SYN1: variants seen among roughly 807,000 people sequenced by gnomAD.
The protein encoded by SYN1 is synapsin I.
SYN1 carries 8 observed loss-of-function variants against 44.6 expected under a neutral mutation model. The observed-to-expected ratio is 0.18, with a 90% CI of 0.11 to 0.32. The LOEUF is 0.32. Ranked by LOEUF, SYN1 falls within the 10% of genes least tolerant of loss-of-function variation. The pLI, the probability that SYN1 is intolerant of heterozygous loss-of-function variation, is 1.00. For missense variants in SYN1, 451 were observed against 639.4 expected (o/e 0.71, Z 3.18); for synonymous variants, 275 against 280.1 (o/e 0.98, Z 0.18).
chrX:47,611,195 C>T (rs1002069725), intron 1 of SYN1, among the ~76,000 whole-genome samples: 2 of 112,221 alleles, frequency 1.8e-5, no homozygotes, highest in Admixed American at 9.4e-5. Context: ...CGCACACCCC[C>T]ATGCCCTGAA....
At chrX:47,573,932 G>A in intron 12 of SYN1, 70 bp downstream of exon 12, 1 of 996,052 alleles carries the variant, frequency 1.0e-6, no homozygotes, top group African/African-American at 2.0e-5. Flanking sequence ...AGGGAGCTAG[G>A]GCTGCTCTAC....
intron 1 of SYN1, among the ~76,000 whole-genome samples, chrX:47,615,624 G>A (rs2057928958): frequency 8.9e-6 from 1 of 112,264 alleles, no homozygotes; most frequent in African/African-American, 3.2e-5. Context: ...AAACACCAGA[G>A]AGCCGGGCAC....
chrX:47,597,108 T>C (rs891468773), intron 5 of SYN1, among the ~76,000 whole-genome samples: 1 of 109,314 alleles, frequency 9.1e-6, no homozygotes. Flanking sequence ...CTGAGGCGGG[T>C]GGATCACCTG....
In SYN1 at chrX:47,610,953, A is replaced by G. The variant is rs143018823; in HGVS notation, c.378-3755T>C. Among the ~76,000 whole-genome samples the G allele has an allele frequency of 3.5e-3, 387 of 111,685 alleles. 2 individuals are homozygous for G. Among genetic ancestry groups the G allele is most frequent in the African/African-American group, 0.012 (376 of 30,721 alleles). On this transcript the variant is annotated intron_variant, in intron 1 of 12. Transcript: ENST00000295987. The stretch of plus-strand genomic sequence containing the variant: ...GAAACATGCTGGTGAGGGTGGTACC[A>G]GTCACGCTGAGAAGCACAGTAGTGG...
At chrX:47,590,145 CTT>C (rs2057843023) in intron 5 of SYN1, 1 of 111,346 alleles carries the variant, frequency 9.0e-6, no homozygotes, top group African/African-American at 3.3e-5. Flanking sequence ...GTCCCTCTCT[CTT>C]TTCCCCCTCA....
At chrX:47,582,649 C>A (rs55990337) in intron 5 of SYN1, 24,724 of 324,665 alleles carry the variant, frequency 0.076, 772 homozygotes, top group Admixed American at 0.13. Flanking sequence ...ACTGCTTTCC[C>A]AACCCCGAGG....
chrX:47,586,290 A>G (rs2057825979), intron 5 of SYN1: 1 of 752,447 alleles, frequency 1.3e-6, no homozygotes, highest in African/African-American at 2.3e-5. Flanking sequence ...ACTGACCCCC[A>G]GGGCCTATTC....
At chrX:47,591,532 C>T (rs750793249) in intron 5 of SYN1, among the ~76,000 whole-genome samples, 45 of 110,094 alleles carry the variant, frequency 4.1e-4, no homozygotes, top group African/African-American at 1.4e-3. Flanking sequence ...ACCAGCCTGG[C>T]CAACATGGTG....
intron 1 of SYN1, among the ~76,000 whole-genome samples, chrX:47,614,988 T>A (rs779131241): frequency 2.7e-5 from 3 of 110,381 alleles, no homozygotes; most frequent in Non-Finnish European, 3.8e-5. Flanking sequence ...CAGGTGTTAT[T>A]CCCAAGCGCT....
chrX:47,577,376 G>T, intron 6 of SYN1, 63 bp downstream of exon 6: 3 of 1,101,703 alleles, frequency 2.7e-6, no homozygotes, highest in Non-Finnish European at 2.5e-6. Flanking sequence ...CGATCACACA[G>T]AATGACTGGT....
rs1429311891 is a variant in SYN1, at chrX:47,576,131, C to T, written c.1158G>A (p.Glu386=). Residue 386 remains glutamate (E), a splice_region_variant and synonymous_variant, in exon 9 of 13, where the codon GAG becomes GAA. Coordinates refer to ENST00000295987, the MANE Select transcript of SYN1 (RefSeq NM_006950.3). ...CCCACCTACCCCTGGGTGCTCATAC[C>T]TCAATGATGTGATCCCTTCCGTCCT... ...HGKDGRDHII[E]VVGSSMPLIG... 8.4e-7 allele frequency: 1 copy of T among 1,196,479 alleles called. No homozygotes were observed. The highest frequency in any genetic ancestry group is 1.1e-6 in the Non-Finnish European group (1 of 887,600).
At chrX:47,595,804 C>T (rs1430309823) in intron 5 of SYN1, among the ~76,000 whole-genome samples, 1 of 111,478 alleles carries the variant, frequency 9.0e-6, no homozygotes, top group South Asian at 3.7e-4. Flanking sequence ...ACAAGATATG[C>T]CTGGAGGTGA....
At chrX:47,605,446 A>C in intron 3 of SYN1, 67 bp from the exon 4 acceptor site, 1 of 1,161,590 alleles carries the variant, frequency 8.6e-7, no homozygotes, top group South Asian at 1.9e-5. Context: ...CGAAACAAAG[A>C]CCAAGTTTTT....
chrX:47,612,765 TAAAA>T (rs1476073467), intron 1 of SYN1, among the ~76,000 whole-genome samples: 1 of 111,205 alleles, frequency 9.0e-6, no homozygotes, highest in Non-Finnish European at 1.9e-5. Context: ...GGCCTGGAAA[TAAAA>T]AGACTGGAAG....
At position 47,619,805 on chromosome X, in the gene SYN1, G is replaced by A; in HGVS notation, c.-77C>T. 2.0e-6 allele frequency: 2 copies of A among 1,024,579 alleles called. No individual in the cohort carries two copies. The highest frequency in any genetic ancestry group is 1.9e-5 in the African/African-American group (1 of 52,596). The allele number at this position is 1,024,579 out of a possible 1,213,427, so 84.4% of individuals were successfully genotyped here. On this transcript the variant is annotated 5_prime_UTR_variant, in exon 1 of 13. Coordinates refer to ENST00000295987, the MANE Select transcript of SYN1 (RefSeq NM_006950.3). ...GGGGCGGACTGCGCGGTGCCCAGGA[G>A]CACAGCTGCGCTCTCAGGCACGACA... is the stretch of plus-strand genomic sequence containing the variant.
chrX:47,594,702 A>G (rs1309999749), intron 5 of SYN1, among the ~76,000 whole-genome samples: 1 of 107,468 alleles, frequency 9.3e-6, no homozygotes, highest in African/African-American at 3.3e-5. Context: ...TTTTTGTCCC[A>G]TCACATTTCT....
chrX:47,596,221 T>G (rs183904815), intron 5 of SYN1, among the ~76,000 whole-genome samples: 72 of 112,509 alleles, frequency 6.4e-4, no homozygotes, highest in Non-Finnish European at 1.1e-3. Context: ...TATAAACAGC[T>G]TTCTCTGGGG....
At chrX:47,585,162 G>A (rs199508591) in intron 5 of SYN1, 8 of 1,166,896 alleles carry the variant, frequency 6.9e-6, no homozygotes, top group Non-Finnish European at 9.2e-6. Flanking sequence ...GGAGTGGGAG[G>A]ATTATGTCAG....
chrX:47,591,712 C>T (rs1389996750), intron 5 of SYN1, among the ~76,000 whole-genome samples: 2 of 87,188 alleles, frequency 2.3e-5, no homozygotes, highest in African/African-American at 4.6e-5. Flanking sequence ...CAGAGAGACA[C>T]CCTGTCTCAA....
Sources: gnomAD v4.1 joint callset for allele counts (sites outside exome capture counted in the v4.1 genomes callset) on GRCh38, gnomAD v4.1.1 for gene constraint, MANE v1.5 for transcripts, NCBI Gene and HGNC (gene_info 2026-07-23, HGNC 2026-07-21) for gene names.